The following NR6A1 variants were observed in gnomAD, a reference collection of about 807,000 sequenced individuals.
NR6A1 encodes the protein retinoic acid receptor-related testis-associated receptor.
Under a neutral mutation model 59.1 loss-of-function variants are expected in NR6A1, and 7 were observed. That is an observed-to-expected ratio of 0.12 (90% confidence interval 0.07 to 0.22). The LOEUF (loss-of-function observed/expected upper bound fraction) is 0.22, where lower values mean the gene tolerates loss of function less well. NR6A1 is among the 10% of genes least tolerant of loss of function. The pLI is 1.00. For synonymous variants in NR6A1, 243 were observed against 236.1 expected, an observed-to-expected ratio of 1.03 and a Z score of -0.27; for missense variants, 468 against 611.6, an observed-to-expected ratio of 0.77 and a Z score of 2.48.
intron 2 of NR6A1, among the ~76,000 whole-genome samples, chr9:124,584,047 G>A (rs1023107006): frequency 6.6e-6 from 1 of 151,206 alleles, no homozygotes; most frequent in East Asian, 1.9e-4. Flanking sequence ...GTGAACATCA[G>A]TTGAATGAAA....
At chr9:124,631,407 T>C (rs1836437518) in intron 2 of NR6A1, among the ~76,000 whole-genome samples, 1 of 152,220 alleles carries the variant, frequency 6.6e-6, no homozygotes. Context: ...TACAAAATGG[T>C]ACCCAAATTG....
intron 1 of NR6A1, among the ~76,000 whole-genome samples, chr9:124,749,186 C>T (rs1180251140): frequency 7.9e-5 from 12 of 151,134 alleles, no homozygotes; most frequent in African/African-American, 2.9e-4. Flanking sequence ...CACTTGAACC[C>T]GAGAGGCGGA....
chr9:124,627,893 T>A (rs74531691), intron 2 of NR6A1, among the ~76,000 whole-genome samples: 30 of 141,038 alleles, frequency 2.1e-4, no homozygotes, highest in Non-Finnish European at 3.6e-4. Context: ...TTTTTTTTTT[T>A]TTTTTTTTTT....
chr9:124,659,334 T>C (rs183399270), intron 2 of NR6A1, among the ~76,000 whole-genome samples: 229 of 152,244 alleles, frequency 1.5e-3, no homozygotes, highest in Middle Eastern at 3.4e-3. Flanking sequence ...ATGCGTGCGA[T>C]CGTGACTAGA....
chr9:124,622,121 T>C (rs1161420120), intron 2 of NR6A1, among the ~76,000 whole-genome samples: 3 of 151,930 alleles, frequency 2.0e-5, no homozygotes, highest in East Asian at 1.9e-4. Flanking sequence ...CAGGCTGAGG[T>C]GAGAGGATCG....
At chr9:124,688,278 C>A (rs1464398324) in intron 2 of NR6A1, among the ~76,000 whole-genome samples, 1 of 151,906 alleles carries the variant, frequency 6.6e-6, no homozygotes, top group Non-Finnish European at 1.5e-5. Flanking sequence ...TGAGCTGTGA[C>A]TGCACCACTG....
intron 2 of NR6A1, among the ~76,000 whole-genome samples, chr9:124,654,390 C>T (rs1764443067): frequency 6.6e-6 from 1 of 152,170 alleles, no homozygotes; most frequent in Non-Finnish European, 1.5e-5. Flanking sequence ...AAATTTCTTA[C>T]TATAGCTTAC....
chr9:124,614,686 T>C (rs1276006005), intron 2 of NR6A1, among the ~76,000 whole-genome samples: 2 of 152,178 alleles, frequency 1.3e-5, no homozygotes, highest in African/African-American at 4.8e-5. Context: ...TATGCAAAAA[T>C]TCCCTTTGTA....
intron 7 of NR6A1, among the ~76,000 whole-genome samples, chr9:124,529,714 C>A (rs79854188): frequency 0.01 from 1,566 of 152,300 alleles, 27 homozygotes; most frequent in African/African-American, 0.036. Flanking sequence ...CAGGGCCCAA[C>A]CTTGGGAGGA....
chr9:124,732,071 G>T (rs1022927988), intron 2 of NR6A1, among the ~76,000 whole-genome samples: 1 of 152,192 alleles, frequency 6.6e-6, no homozygotes, highest in African/African-American at 2.4e-5. Flanking sequence ...TAAGCATCAT[G>T]AGAACTATTT....
intron 1 of NR6A1, among the ~76,000 whole-genome samples, chr9:124,756,385 A>G (rs1368847741): frequency 2.0e-5 from 3 of 152,260 alleles, no homozygotes; most frequent in Non-Finnish European, 4.4e-5. Context: ...GTGAGCACAA[A>G]GCAGCAAAGC....
chr9:124,576,962 G>A (rs538235729), intron 2 of NR6A1, among the ~76,000 whole-genome samples: 39 of 152,244 alleles, frequency 2.6e-4, no homozygotes, highest in African/African-American at 7.0e-4. Context: ...AGGCTGAGGT[G>A]GGAGGATCAC....
At chr9:124,613,012 T>C (rs910404756) in intron 2 of NR6A1, among the ~76,000 whole-genome samples, 3 of 152,186 alleles carry the variant, frequency 2.0e-5, no homozygotes, top group Non-Finnish European at 4.4e-5. Context: ...AAGATATTCA[T>C]GGCAGTACTG....
At chr9:124,609,952 T>C (rs188551122) in intron 2 of NR6A1, among the ~76,000 whole-genome samples, 15 of 152,248 alleles carry the variant, frequency 9.9e-5, no homozygotes, top group African/African-American at 2.4e-4. Context: ...TTTTTGCACA[T>C]TGATTTTGTA....
At chr9:124,757,111 A>G (rs1167613636) in intron 1 of NR6A1, among the ~76,000 whole-genome samples, 3 of 152,210 alleles carry the variant, frequency 2.0e-5, no homozygotes, top group Non-Finnish European at 2.9e-5. Flanking sequence ...ATTAAAATAA[A>G]TAAGTACTGC....
chr9:124,639,660 G>C (rs538869052), intron 2 of NR6A1, among the ~76,000 whole-genome samples: 2 of 152,294 alleles, frequency 1.3e-5, no homozygotes, highest in East Asian at 3.9e-4. Context: ...AGGACCAACA[G>C]AGAGCAACAT....
chr9:124,572,308 C>T (rs143953171), intron 2 of NR6A1, among the ~76,000 whole-genome samples: 127 of 152,256 alleles, frequency 8.3e-4, no homozygotes, highest in African/African-American at 2.7e-3. Context: ...TTCCTTTTGC[C>T]TCAAGGCTCC....
At chr9:124,614,889 T>C (rs1419295152) in intron 2 of NR6A1, among the ~76,000 whole-genome samples, 2 of 152,220 alleles carry the variant, frequency 1.3e-5, no homozygotes, top group African/African-American at 2.4e-5. Flanking sequence ...AAGACAATCC[T>C]TGCAAGCCTA....
At chr9:124,567,816 C>G (rs1015996222) in intron 2 of NR6A1, among the ~76,000 whole-genome samples, 1 of 133,248 alleles carries the variant, frequency 7.5e-6, no homozygotes, top group Non-Finnish European at 1.6e-5. Flanking sequence ...CAAGCAGATG[C>G]TTTTTAAAAA....
Sources: allele counts gnomAD v4.1 joint callset (sites outside exome capture counted in the v4.1 genomes callset), GRCh38; gene constraint gnomAD v4.1.1; transcripts MANE v1.5; gene names NCBI Gene and HGNC (gene_info 2026-07-23, HGNC 2026-07-21).